GAS7: variants seen among roughly 807,000 people sequenced by gnomAD.
GAS7 encodes growth arrest specific 7.
In GAS7, 28 loss-of-function variants were observed where a neutral mutation model predicts 71.1. The observed-to-expected ratio is 0.39, with a 90% CI of 0.29 to 0.54. The LOEUF (loss-of-function observed/expected upper bound fraction) is 0.54, where lower values mean the gene tolerates loss of function less well. Among genes scored for constraint, GAS7 ranks in the 20% least tolerant of loss-of-function variants. The pLI is 0.62. For missense variants in GAS7, 436 were observed against 627.8 expected (o/e 0.69, Z 3.27); for synonymous variants, 258 against 245.8 (o/e 1.05, Z -0.46).
Position 10,019,747 on chromosome 17 carries a change from G to A in GAS7, c.304+30C>T, listed in dbSNP as rs547094457. On this transcript the variant is annotated intron_variant, in intron 2 of 13. Transcript: ENST00000432992. ...AGAGAGCCAGAATGCCAGGGGGTTG[G>A]TGCAGGATTCTCCCCCGAGCGGGAC... 20 of 1,602,686 alleles carry A rather than the reference G, an allele frequency of 1.2e-5. No individual in the cohort carries two copies. The South Asian group carries it at 2.2e-4, about 18-fold the overall frequency.
intron 1 of GAS7, among the ~76,000 whole-genome samples, chr17:10,119,142 G>A (rs1374397004): frequency 3.9e-5 from 6 of 152,310 alleles, no homozygotes; most frequent in African/African-American, 1.4e-4. Flanking sequence ...GGGTTGCGGG[G>A]AGCAGACACT....
chr17:10,005,174 CATGTATGTGTATGT>C (rs2071453400), intron 2 of GAS7, among the ~76,000 whole-genome samples: 2 of 151,102 alleles, frequency 1.3e-5, no homozygotes, highest in Non-Finnish European at 3.0e-5. Context: ...CGCACGCATG[CATGTATGTGTATGT>C]GCACGCATGC....
chr17:10,003,810 G>C lies in GAS7; in HGVS notation c.304+15967C>G, dbSNP rs548348294. ...GCACAGTGCTCACAGGGAGTGGGCAGGTAGTAAACAACAGCATCCTGCATG... is the reference window on the plus strand; with the variant it reads ...GCACAGTGCTCACAGGGAGTGGGCACGTAGTAAACAACAGCATCCTGCATG... On this transcript the variant is annotated intron_variant, in intron 2 of 13. Transcript: ENST00000432992. Among the ~76,000 whole-genome samples, 4 of 152,290 alleles carry C rather than the reference G, an allele frequency of 2.6e-5. No individual in the cohort carries two copies. In the South Asian group the frequency reaches 8.3e-4, roughly 32 times the overall value.
At chr17:10,016,616 AAAAAAAAACAAAAC>A (rs1433158233) in intron 2 of GAS7, among the ~76,000 whole-genome samples, 2 of 146,312 alleles carry the variant, frequency 1.4e-5, no homozygotes, top group Non-Finnish European at 3.0e-5. Flanking sequence ...AAAAAAAAAA[AAAAAAAAACAAAAC>A]AAAAAAAACT....
At chr17:10,104,957 T>C (rs148148779) in intron 1 of GAS7, among the ~76,000 whole-genome samples, 216 of 152,302 alleles carry the variant, frequency 1.4e-3, no homozygotes, top group South Asian at 4.6e-3. Context: ...GGCTTTGCAC[T>C]ACTCCTAGAA....
At chr17:10,047,422 C>T (rs535200347) in intron 1 of GAS7, among the ~76,000 whole-genome samples, 18 of 152,312 alleles carry the variant, frequency 1.2e-4, no homozygotes, top group Non-Finnish European at 2.5e-4. Context: ...AGTCAACCTT[C>T]CCCCAAGCCG....
intron 1 of GAS7, among the ~76,000 whole-genome samples, chr17:10,033,327 C>T (rs189622405): frequency 5.3e-5 from 8 of 152,136 alleles, no homozygotes; most frequent in African/African-American, 1.7e-4. Context: ...CTTGGTATGG[C>T]CCAGAGAGAG....
At chr17:9,972,081 G>GA (rs2152121490) in intron 3 of GAS7, among the ~76,000 whole-genome samples, 1 of 152,316 alleles carries the variant, frequency 6.6e-6, no homozygotes, top group East Asian at 1.9e-4. Context: ...ACATCCCAAG[G>GA]AAATAGCAAG....
chr17:10,158,629 G>A (rs892141645), intron 1 of GAS7, among the ~76,000 whole-genome samples: 5 of 152,100 alleles, frequency 3.3e-5, no homozygotes, highest in Non-Finnish European at 4.4e-5. Context: ...AAGGATAGAA[G>A]GTTAGATATG....
At chr17:9,950,017 C>A (rs997314174) in intron 5 of GAS7, among the ~76,000 whole-genome samples, 20 of 152,124 alleles carry the variant, frequency 1.3e-4, no homozygotes, top group African/African-American at 4.3e-4. Flanking sequence ...GTGCATGTCA[C>A]CACACCTGGC....
chr17:10,024,305 C>T (rs2072385667), intron 1 of GAS7, among the ~76,000 whole-genome samples: 1 of 152,174 alleles, frequency 6.6e-6, no homozygotes, highest in Non-Finnish European at 1.5e-5. Flanking sequence ...ACACAGTGTG[C>T]ATAACCACCC....
intron 1 of GAS7, among the ~76,000 whole-genome samples, chr17:10,096,790 C>T (rs893474953): frequency 6.6e-6 from 1 of 152,248 alleles, no homozygotes; most frequent in African/African-American, 2.4e-5. Context: ...AGAAAGCGCA[C>T]ATCCTGACAT....
intron 2 of GAS7, among the ~76,000 whole-genome samples, chr17:10,015,914 T>C (rs2071977116): frequency 6.6e-6 from 1 of 152,132 alleles, no homozygotes; most frequent in African/African-American, 2.4e-5. Flanking sequence ...TTCACAACCC[T>C]TTCCTGATTG....
intron 1 of GAS7, among the ~76,000 whole-genome samples, chr17:10,089,778 G>A (rs11078830): frequency 0.022 from 3,299 of 152,250 alleles, 134 homozygotes; most frequent in African/African-American, 0.075. Flanking sequence ...CAGGAACCTG[G>A]TAGTTTCAAA....
rs1274507784 is a variant in GAS7 at position 10,103,406 on chromosome 17, G to C, written c.184-83509C>G. Among the ~76,000 whole-genome samples, 4 of 152,262 alleles carry C rather than the reference G, an allele frequency of 2.6e-5. No homozygotes were observed. In the East Asian group the frequency reaches 7.7e-4, roughly 29 times the overall value. ...TGGTTTGCACATTTAAATTTGAGAA[G>C]CACAGCTCATGCCATCTAGCGACCC... On this transcript the variant is annotated intron_variant, in intron 1 of 13. Coordinates refer to ENST00000432992, the MANE Select transcript of GAS7 (RefSeq NM_201433.2). This position sits in a 1 kb window ranked among gnomAD's most constrained non-coding sequence, Gnocchi z 5.5.
intron 11 of GAS7, among the ~76,000 whole-genome samples, chr17:9,922,065 T>C (rs1253189396): frequency 6.6e-6 from 1 of 152,196 alleles, no homozygotes; most frequent in African/African-American, 2.4e-5. Flanking sequence ...TGTCTTCATC[T>C]GTAAAATGGA....
chr17:10,168,549 G>A lies in GAS7; in HGVS notation c.183+29659C>T, dbSNP rs376841442. ...TCTGTTTACGTACTGTGGACCGCTG[G>A]AGAGCCACAAACCGCTGTAGGCCCT... On this transcript the variant is annotated intron_variant, in intron 1 of 13. Coordinates refer to ENST00000432992, the MANE Select transcript of GAS7 (RefSeq NM_201433.2). Among the ~76,000 whole-genome samples the A allele has an allele frequency of 7.2e-5, 11 of 152,328 alleles. 2 individuals carry two copies. Among genetic ancestry groups the A allele is most frequent in the African/African-American group, 2.6e-4 (11 of 41,578 alleles).
At position 9,921,626 on chromosome 17, in the gene GAS7, T is replaced by C. The variant is rs2067813417; in HGVS notation, c.1139-1921A>G. ...CCCAAGAGCTTGAAATTGGAACTTT[T>C]TAGAACAGTATTGGTTAAGACCATG... On this transcript the variant is annotated intron_variant, in intron 11 of 13. Transcript: ENST00000432992. Among the ~76,000 whole-genome samples, 6 of 152,064 alleles carry C rather than the reference T, an allele frequency of 3.9e-5. No individual in the cohort carries two copies. In the South Asian group the frequency reaches 1.2e-3, roughly 32 times the overall value.
chr17:9,948,861 G>T (rs1028082732), intron 5 of GAS7, among the ~76,000 whole-genome samples: 6 of 152,154 alleles, frequency 3.9e-5, no homozygotes, highest in African/African-American at 1.4e-4. Flanking sequence ...CTCCTAGGAC[G>T]CGGGCTAATT....
Sources: allele counts gnomAD v4.1 joint callset (sites outside exome capture counted in the v4.1 genomes callset), GRCh38; gene constraint gnomAD v4.1.1; non-coding constraint Gnocchi (gnomAD v3.1); transcripts MANE v1.5; gene names NCBI Gene and HGNC (gene_info 2026-07-23, HGNC 2026-07-21).